Variants in ANKMY1 observed in about 807,000 individuals in gnomAD.
The protein encoded by ANKMY1 is ankyrin repeat and MYND domain containing 1.
In ANKMY1, 98 loss-of-function variants were observed where a neutral mutation model predicts 102.0. The ratio of observed to expected loss-of-function variants is 0.96; its 90% CI spans 0.82 to 1.14. ANKMY1 has a LOEUF of 1.14. Ranked by LOEUF, ANKMY1 falls within the 50% of genes most tolerant of loss-of-function variation. The pLI is 0.00. For synonymous variants in ANKMY1, 582 were observed against 559.9 expected (o/e 1.04, Z -0.56); for missense variants, 1,330 against 1,347.6 (o/e 0.99, Z 0.20).
intron 12 of ANKMY1, among the ~76,000 whole-genome samples, chr2:240,509,004 G>C (rs962195448): frequency 6.6e-6 from 1 of 152,084 alleles, no homozygotes; most frequent in Admixed American, 6.6e-5. Context: ...ATGGATGAGA[G>C]GATGAATAAG....
At chr2:240,539,850 C>T (rs944073092) in intron 4 of ANKMY1, among the ~76,000 whole-genome samples, 3 of 152,130 alleles carry the variant, frequency 2.0e-5, no homozygotes, top group Non-Finnish European at 2.9e-5. Context: ...CCAGAAAAAC[C>T]GGAAAAACTG....
At chr2:240,493,433 A>G (rs904088600) in intron 15 of ANKMY1, among the ~76,000 whole-genome samples, 3 of 152,094 alleles carry the variant, frequency 2.0e-5, no homozygotes, top group Admixed American at 2.0e-4. Flanking sequence ...CCTTATGTTG[A>G]TATCTGTATG....
intron 4 of ANKMY1, among the ~76,000 whole-genome samples, chr2:240,552,071 A>G (rs2091617980): frequency 6.6e-6 from 1 of 152,124 alleles, no homozygotes; most frequent in Non-Finnish European, 1.5e-5. Context: ...TTTCTCACAC[A>G]TTATTACATT....
chr2:240,535,707 G>A (rs2086566912), intron 4 of ANKMY1, among the ~76,000 whole-genome samples: 2 of 152,174 alleles, frequency 1.3e-5, no homozygotes, highest in African/African-American at 4.8e-5. Context: ...TTTATGGTTT[G>A]TAGGACATGA....
chr2:240,529,290 G>A lies in ANKMY1; in HGVS notation c.700C>T (p.Gln234Ter). 6.2e-7 allele frequency: 1 copy of A among 1,614,208 alleles called. No homozygotes were observed. Residue 234 changes from glutamine to a stop codon, truncating the protein, a stop_gained, in exon 5 of 18, where the codon CAG becomes TAG. Transcript: ENST00000401804. LOFTEE classifies it high-confidence loss of function. This position sits in a 1 kb window ranked among gnomAD's most constrained non-coding sequence, Gnocchi z 4.2. ...SEEEKTEWGL[Q>*]EGQDPFFYDY... ...TAGAAAAAGGGATCCTGTCCCTCCT[G>A]CAGTCCCCACTCCGTTTTCTCCTCT...
At chr2:240,521,580 G>A (rs1176075555) in intron 8 of ANKMY1, among the ~76,000 whole-genome samples, 1 of 129,246 alleles carries the variant, frequency 7.7e-6, no homozygotes, top group Non-Finnish European at 1.6e-5. Flanking sequence ...CTCACTGCAA[G>A]CTCCGCCTCC....
intron 15 of ANKMY1, among the ~76,000 whole-genome samples, chr2:240,497,828 G>A (rs2077462305): frequency 6.6e-6 from 1 of 152,208 alleles, no homozygotes; most frequent in Non-Finnish European, 1.5e-5. Flanking sequence ...CAAGGCTGTG[G>A]AGCTGGGGGT....
Position 240,526,385 on chromosome 2 carries a change from G to C in ANKMY1, c.1014C>G (p.Gly338=), listed in dbSNP as rs2083408061. The change falls in exon 6 of 18, where the codon GGC becomes GGG. Residue 338 remains glycine (G), a synonymous_variant. Coordinates refer to ENST00000401804, the MANE Select transcript of ANKMY1 (RefSeq NM_001282771.3). Reference sequence around the variant, plus strand: ...GCTCTTTGGGCCCACAGGGTGCAAAGCCACTGCGCTTCCCCTCCAGGATGG... The same window carrying C: ...GCTCTTTGGGCCCACAGGGTGCAAACCCACTGCGCTTCCCCTCCAGGATGG... ...MGAILEGKRS[G]FAPCGPKEQL... is the part of the protein sequence containing the mutation. The C allele has an allele frequency of 6.2e-7, 1 of 1,614,236 alleles. No homozygotes were observed. Among genetic ancestry groups the C allele is most frequent in the East Asian group, 2.2e-5 (1 of 44,882 alleles).
intron 4 of ANKMY1, among the ~76,000 whole-genome samples, chr2:240,535,439 C>G (rs994015710): frequency 6.6e-6 from 1 of 152,128 alleles, no homozygotes; most frequent in South Asian, 2.1e-4. Flanking sequence ...ATGTTTCTTA[C>G]GGGACCTAAA....
intron 15 of ANKMY1, among the ~76,000 whole-genome samples, chr2:240,487,880 T>C (rs903224429): frequency 6.6e-6 from 1 of 152,220 alleles, no homozygotes; most frequent in African/African-American, 2.4e-5. Context: ...AATATTAGTC[T>C]CCTGTCAGGT....
chr2:240,537,440 G>GT (rs1374621869), intron 4 of ANKMY1, among the ~76,000 whole-genome samples: 2 of 152,132 alleles, frequency 1.3e-5, no homozygotes, highest in Non-Finnish European at 2.9e-5. Context: ...AACCTCACTT[G>GT]TAACTGCTGC....
At chr2:240,511,069 G>C (rs998219112) in intron 11 of ANKMY1, among the ~76,000 whole-genome samples, 2 of 151,924 alleles carry the variant, frequency 1.3e-5, no homozygotes, top group Non-Finnish European at 2.9e-5. Context: ...CTCCAAGGAG[G>C]CTCTGACCAG....
rs142090859 is a variant in ANKMY1, at chr2:240,509,437, G to A, written c.2305C>T (p.Arg769Trp). 4.1e-4 allele frequency: 668 copies of A among 1,612,782 alleles called. 2 individuals carry two copies. The African/African-American group carries it at 5.5e-3, about 13-fold the overall frequency. ...TTTGCTCCGTGGGATAGAAGGAGCC[G>A]GACTATGTCCCTGGCACACTGGGTG... The part of the protein sequence containing the change: ...DDNKCARDIV[R>W]LLLSHGANPN... Residue 769 changes from arginine (R) to tryptophan (W), a missense_variant, in exon 12 of 18, where the codon CGG (arginine) becomes TGG (tryptophan). By Grantham distance (101) the Arg-to-Trp change is moderately radical. Coordinates refer to ENST00000401804, the MANE Select transcript of ANKMY1 (RefSeq NM_001282771.3).
Position 240,520,394 on chromosome 2 carries a change from C to A in ANKMY1, c.1972G>T (p.Gly658Trp). 6.3e-7 allele frequency: 1 copy of A among 1,590,002 alleles called. No homozygotes were observed. The highest frequency in any genetic ancestry group is 2.3e-5 in the East Asian group (1 of 43,656). ...VDGVRLLLEHGARTDICFPPQ... is the reference protein window; with the variant it reads ...VDGVRLLLEHWARTDICFPPQ... ...GGAAAGCAGATGTCGGTCCTCGCCC[C>A]GTGCTCCAGCAGCAGCCTCACCCCA... The change falls in exon 9 of 18, where the codon GGG becomes TGG. Residue 658 changes from glycine to tryptophan, a missense_variant. Coordinates refer to ENST00000401804, the MANE Select transcript of ANKMY1 (RefSeq NM_001282771.3). This position sits in a 1 kb window ranked among gnomAD's most constrained non-coding sequence, Gnocchi z 4.8.
At chr2:240,556,549 G>A (rs552659871) in intron 2 of ANKMY1, among the ~76,000 whole-genome samples, 7 of 152,262 alleles carry the variant, frequency 4.6e-5, no homozygotes, top group Admixed American at 2.6e-4. Context: ...TCACTGTTTC[G>A]CCCTGAACAT....
chr2:240,546,793 T>C (rs1484172715), intron 4 of ANKMY1, among the ~76,000 whole-genome samples: 1 of 152,170 alleles, frequency 6.6e-6, no homozygotes, highest in Non-Finnish European at 1.5e-5. Context: ...AAGGGATCAA[T>C]TCGACAAGAA....
intron 13 of ANKMY1, among the ~76,000 whole-genome samples, chr2:240,505,418 C>T (rs531591079): frequency 2.6e-5 from 4 of 151,630 alleles, no homozygotes; most frequent in East Asian, 1.9e-4. Flanking sequence ...GCTGAGATCA[C>T]ACCTCTGCAC....
chr2:240,500,060 C>T lies in ANKMY1; in HGVS notation c.2704G>A (p.Ala902Thr). The T allele has an allele frequency of 6.2e-7, 1 of 1,612,592 alleles. No homozygotes were observed. Among genetic ancestry groups the T allele is most frequent in the Non-Finnish European group, 8.5e-7 (1 of 1,179,592 alleles). ...LMPAERETFL[A>T]RKRLLEYMGL... ...ATGTACTCCAGGAGCCGCTTCCGCG[C>T]CAGGAACGTCTCGCGCTCTGCTGGC... Residue 902 changes from alanine (A) to threonine (T), a missense_variant, in exon 15 of 18, where the codon GCG becomes ACG. Transcript: ENST00000401804.
At chr2:240,487,768 G>C (rs1243463303) in intron 15 of ANKMY1, among the ~76,000 whole-genome samples, 5 of 152,010 alleles carry the variant, frequency 3.3e-5, no homozygotes, top group African/African-American at 1.2e-4. Context: ...CCCACTGGCT[G>C]TTTGTACGTC....
Sources: allele counts gnomAD v4.1 joint callset (sites outside exome capture counted in the v4.1 genomes callset), GRCh38; gene constraint gnomAD v4.1.1; non-coding constraint Gnocchi (gnomAD v3.1); transcripts MANE v1.5; gene names NCBI Gene and HGNC (gene_info 2026-07-23, HGNC 2026-07-21).